Variants in STEAP3 observed in about 807,000 individuals in gnomAD.
STEAP3 encodes STEAP3 metalloreductase.
Under a neutral mutation model 34.9 loss-of-function variants are expected in STEAP3, and 35 were observed. The observed-to-expected ratio is 1.00, with a 90% CI of 0.76 to 1.33. The LOEUF (loss-of-function observed/expected upper bound fraction) is 1.33, where lower values mean the gene tolerates loss of function less well. Ranked by LOEUF, STEAP3 falls within the 40% of genes most tolerant of loss-of-function variation. STEAP3 has a pLI of 0.00. For synonymous variants in STEAP3, 281 were observed against 301.6 expected (o/e 0.93, Z 0.71); for missense variants, 652 against 667.6 (o/e 0.98, Z 0.26).
At position 119,231,610 on chromosome 2, in the gene STEAP3, T is replaced by G. The variant is rs3769656; in HGVS notation, c.22+576T>G. Among the ~76,000 whole-genome samples, 17 of 152,284 alleles carry G rather than the reference T, an allele frequency of 1.1e-4. No homozygotes were observed. The East Asian group carries it at 3.3e-3, about 29-fold the overall frequency. ...TGCACAGTTGTGTGACGGTAAACTC[T>G]TTTCCATCAGACGAAACTTGCGCGC... On this transcript the variant is annotated intron_variant, in intron 2 of 5. Transcript: ENST00000393110.
rs772881982 is a variant in STEAP3, at chr2:119,247,992, T to A, written c.836T>A (p.Leu279His). 3 of 1,612,412 alleles carry A rather than the reference T, an allele frequency of 1.9e-6. No individual in the cohort carries two copies. The highest frequency in any genetic ancestry group is 2.5e-6 in the Non-Finnish European group (3 of 1,179,950). The change falls in exon 4 of 6, where the codon CTC becomes CAC. Residue 279 changes from leucine to histidine, a missense_variant. Physicochemically the swap from Leu to His is moderately conservative, Grantham distance 99. Coordinates refer to ENST00000393110, the MANE Select transcript of STEAP3 (RefSeq NM_182915.3). Reference protein sequence around the residue: ...LPCVAYVLLSLVYLPGVLAAA... With the variant: ...LPCVAYVLLSHVYLPGVLAAA... ...TGCGTGGCCTACGTGCTGCTGTCAC[T>A]CGTGTACTTGCCCGGCGTGCTGGCG...
intron 2 of STEAP3, 86 bp downstream of exon 2, chr2:119,231,120 C>G: frequency 6.3e-7 from 1 of 1,575,444 alleles, no homozygotes; most frequent in Non-Finnish European, 8.7e-7. Context: ...TGACCCCTGC[C>G]CTGCTGGAGG....
At chr2:119,226,152 G>T (rs999422247) in intron 1 of STEAP3, among the ~76,000 whole-genome samples, 1 of 152,216 alleles carries the variant, frequency 6.6e-6, no homozygotes, top group African/African-American at 2.4e-5. Context: ...GGCGGTCTAC[G>T]CTGCCTGCTA....
At chr2:119,254,613 CCTT>C in intron 4 of STEAP3, 68 bp from the exon 5 acceptor site, 2 of 1,580,160 alleles carry the variant, frequency 1.3e-6, no homozygotes, top group Non-Finnish European at 1.7e-6. Context: ...TTTCTTGTGT[CCTT>C]CATCATTGCC....
At chr2:119,236,216 G>A (rs1677090561) in intron 2 of STEAP3, among the ~76,000 whole-genome samples, 1 of 152,176 alleles carries the variant, frequency 6.6e-6, no homozygotes, top group South Asian at 2.1e-4. Flanking sequence ...TCCTAGAGAG[G>A]AATAGAATTA....
At chr2:119,234,400 G>T (rs890065851) in intron 2 of STEAP3, among the ~76,000 whole-genome samples, 8 of 152,190 alleles carry the variant, frequency 5.3e-5, no homozygotes, top group African/African-American at 1.9e-4. Context: ...CTCCAACCTG[G>T]CTGGATTAAC....
intron 4 of STEAP3, among the ~76,000 whole-genome samples, chr2:119,254,338 G>A (rs1400170819): frequency 3.3e-5 from 5 of 152,012 alleles, no homozygotes; most frequent in African/African-American, 9.7e-5. Context: ...TGGCTGCCCC[G>A]GGGCAGATAT....
intron 2 of STEAP3, among the ~76,000 whole-genome samples, chr2:119,231,342 CGT>C (rs6146901): frequency 0.011 from 1,588 of 143,576 alleles, 27 homozygotes; most frequent in African/African-American, 0.033. Context: ...CACACAGTTG[CGT>C]GTGTGTGTGT....
At chr2:119,249,662 C>A (rs1378087751) in intron 4 of STEAP3, among the ~76,000 whole-genome samples, 1 of 152,156 alleles carries the variant, frequency 6.6e-6, no homozygotes, top group Non-Finnish European at 1.5e-5. Flanking sequence ...ATTGGCAGGA[C>A]TGGGAAGCAG....
chr2:119,236,212 A>G (rs1248632633), intron 2 of STEAP3, among the ~76,000 whole-genome samples: 1 of 152,244 alleles, frequency 6.6e-6, no homozygotes, highest in African/African-American at 2.4e-5. Flanking sequence ...AATATCCTAG[A>G]GAGGAATAGA....
intron 4 of STEAP3, among the ~76,000 whole-genome samples, chr2:119,249,608 C>T (rs572648955): frequency 3.9e-5 from 6 of 152,236 alleles, no homozygotes; most frequent in African/African-American, 1.4e-4. Context: ...GCTGGGCCCT[C>T]CCCTAAACAC....
At position 119,263,317 on chromosome 2, in the gene STEAP3, C is replaced by G. The variant is rs748236640; in HGVS notation, c.1476C>G (p.Ala492=). Residue 492 remains alanine (A), a synonymous_variant, in exon 6 of 6, where the codon GCC becomes GCG. Coordinates refer to ENST00000393110, the MANE Select transcript of STEAP3 (RefSeq NM_182915.3). ...CGCTGCCCACAGACCACGCCCTGGC[C>G]GAGAAGACGAGCCACGTATGAGGTG... ...KFTLPTDHAL[A]EKTSHV is the part of the protein sequence containing the mutation. The G allele has an allele frequency of 1.2e-6, 2 of 1,612,994 alleles. No individual in the cohort carries two copies. Among genetic ancestry groups the G allele is most frequent in the Admixed American group, 3.3e-5 (2 of 59,842 alleles).
At chr2:119,235,869 C>T (rs542975633) in intron 2 of STEAP3, among the ~76,000 whole-genome samples, 1 of 152,260 alleles carries the variant, frequency 6.6e-6, no homozygotes, top group South Asian at 2.1e-4. Flanking sequence ...GACCAGCATC[C>T]CCTAGAGGGC....
rs1677719970 is a variant in STEAP3 at position 119,254,605 on chromosome 2, TC to T, written c.1051-78del. 3.2e-6 allele frequency: 5 copies of T among 1,563,622 alleles called. No homozygotes were observed. In the Admixed American group the frequency reaches 8.4e-5, roughly 26 times the overall value. On this transcript the variant is annotated intron_variant, in intron 4 of 5. Transcript: ENST00000393110. ...GTGTGAGCGCCCGCCGTCTTGTCTTTCTTGTGTCCTTCATCATTGCCCTCCC... is the reference window on the plus strand; with the variant it reads ...GTGTGAGCGCCCGCCGTCTTGTCTTTTTGTGTCCTTCATCATTGCCCTCCC...
chr2:119,231,053 C>A lies in STEAP3; in HGVS notation c.22+19C>A, dbSNP rs754910702. The A allele has an allele frequency of 1.2e-6, 2 of 1,614,018 alleles. No homozygotes were observed. The highest frequency in any genetic ancestry group is 1.7e-6 in the Non-Finnish European group (2 of 1,180,016). ...GCTGTTGGTAAGTCTGGCTAGGACG[C>A]AGATCCAAGGGGGCATGGGTCGTGT... On this transcript the variant is annotated intron_variant, in intron 2 of 5. Coordinates refer to ENST00000393110, the MANE Select transcript of STEAP3 (RefSeq NM_182915.3).
intron 2 of STEAP3, among the ~76,000 whole-genome samples, chr2:119,242,351 C>T (rs1677272019): frequency 6.6e-6 from 1 of 152,204 alleles, no homozygotes. Flanking sequence ...GGGGACAGGC[C>T]TGGGTGTATC....
At chr2:119,255,893 C>G (rs1334834302) in intron 5 of STEAP3, among the ~76,000 whole-genome samples, 2 of 152,186 alleles carry the variant, frequency 1.3e-5, no homozygotes, top group East Asian at 3.8e-4. Context: ...CAATAGAGAA[C>G]AAGACAGGCA....
At chr2:119,243,031 C>T (rs953672566) in intron 2 of STEAP3, among the ~76,000 whole-genome samples, 1 of 152,158 alleles carries the variant, frequency 6.6e-6, no homozygotes, top group African/African-American at 2.4e-5. Flanking sequence ...GTGGCTGTGC[C>T]TGGCGTGAGT....
intron 4 of STEAP3, among the ~76,000 whole-genome samples, chr2:119,249,687 T>C (rs1002161437): frequency 2.6e-5 from 4 of 152,170 alleles, no homozygotes; most frequent in East Asian, 1.9e-4. Flanking sequence ...GGGCACCTCC[T>C]GAGAACCACA....
Sources: gnomAD v4.1 joint callset for allele counts (sites outside exome capture counted in the v4.1 genomes callset) on GRCh38, gnomAD v4.1.1 for gene constraint, MANE v1.5 for transcripts, NCBI Gene and HGNC (gene_info 2026-07-23, HGNC 2026-07-21) for gene names.